HS6ST3: variants seen among roughly 807,000 people sequenced by gnomAD.
The protein encoded by HS6ST3 is heparan sulfate 6-O-sulfotransferase 3, also known as heparan-sulfate 6-O-sulfotransferase 3.
In HS6ST3, 12 loss-of-function variants were observed where a neutral mutation model predicts 36.7. The ratio of observed to expected loss-of-function variants is 0.33; its 90% CI spans 0.21 to 0.53. The LOEUF (loss-of-function observed/expected upper bound fraction) is 0.53. Among genes scored for constraint, HS6ST3 ranks in the 20% least tolerant of loss-of-function variants. The pLI is 0.95. For synonymous variants in HS6ST3, 240 were observed against 257.5 expected, an observed-to-expected ratio of 0.93 and a Z score of 0.65; for missense variants, 584 against 640.9, an observed-to-expected ratio of 0.91 and a Z score of 0.96.
At chr13:96,340,800 A>C (rs555166740) in intron 1 of HS6ST3, among the ~76,000 whole-genome samples, 1 of 152,348 alleles carries the variant, frequency 6.6e-6, no homozygotes, top group East Asian at 1.9e-4. Context: ...TTTTTGAATG[A>C]ATATCTATTT....
At chr13:96,418,613 A>G (rs773308287) in intron 1 of HS6ST3, among the ~76,000 whole-genome samples, 1 of 152,096 alleles carries the variant, frequency 6.6e-6, no homozygotes, top group East Asian at 1.9e-4. Context: ...TAGGTGCTAT[A>G]AGAGATGCAA....
rs187714299 is a variant in HS6ST3, at chr13:96,182,967, C to T, written c.707+91398C>T. Among the ~76,000 whole-genome samples the T allele has an allele frequency of 1.2e-3, 176 of 152,280 alleles. 1 individual carries two copies. The highest frequency in any genetic ancestry group is 3.9e-3 in the African/African-American group (162 of 41,560). On this transcript the variant is annotated intron_variant, in intron 1 of 1. Transcript: ENST00000376705. ...TTAAGGATTTCCATTTTGTGGAGGACAGCTATTGTCAGTAGCCTCCTCCTG... is the reference window on the plus strand; with the variant it reads ...TTAAGGATTTCCATTTTGTGGAGGATAGCTATTGTCAGTAGCCTCCTCCTG...
intron 1 of HS6ST3, among the ~76,000 whole-genome samples, chr13:96,635,232 A>G (rs2056545177): frequency 6.7e-6 from 1 of 148,628 alleles, no homozygotes; most frequent in Non-Finnish European, 1.5e-5. Flanking sequence ...TAGGATTTCA[A>G]TGCCCATCTT....
chr13:96,340,436 T>G (rs1327047293), intron 1 of HS6ST3, among the ~76,000 whole-genome samples: 2 of 152,236 alleles, frequency 1.3e-5, no homozygotes, highest in Admixed American at 1.3e-4. Flanking sequence ...TAATAATCCC[T>G]GTGACATAGG....
chr13:96,576,798 G>A (rs182971982), intron 1 of HS6ST3, among the ~76,000 whole-genome samples: 1 of 151,892 alleles, frequency 6.6e-6, no homozygotes, highest in African/African-American at 2.4e-5. Flanking sequence ...TAAAAAATTA[G>A]CCAGGCATGG....
At chr13:96,826,409 A>G (rs1878648415) in intron 1 of HS6ST3, among the ~76,000 whole-genome samples, 1 of 152,192 alleles carries the variant, frequency 6.6e-6, no homozygotes, top group Admixed American at 6.5e-5. Flanking sequence ...ATGTTCTTTT[A>G]CATAGCAATT....
intron 1 of HS6ST3, among the ~76,000 whole-genome samples, chr13:96,641,158 AT>A (rs2056568811): frequency 6.6e-6 from 1 of 151,526 alleles, no homozygotes; most frequent in Admixed American, 6.6e-5. Context: ...TGACAAATGG[AT>A]TTCCTTTTGT....
chr13:96,258,624 T>C (rs2054649276), intron 1 of HS6ST3, among the ~76,000 whole-genome samples: 1 of 152,154 alleles, frequency 6.6e-6, no homozygotes, highest in African/African-American at 2.4e-5. Flanking sequence ...CTCTTTCCTT[T>C]TACCTGCCAT....
intron 1 of HS6ST3, among the ~76,000 whole-genome samples, chr13:96,140,541 G>C (rs2054026754): frequency 6.6e-6 from 1 of 152,174 alleles, no homozygotes. Context: ...GAAGCAGAGA[G>C]ATGTCATGAC....
chr13:96,112,578 A>AATATATATATATATATATATAT (rs59107741), intron 1 of HS6ST3, among the ~76,000 whole-genome samples: 2 of 81,224 alleles, frequency 2.5e-5, no homozygotes, highest in Non-Finnish European at 2.3e-5. Context: ...AAAATAAATA[A>AATATATATATATATATATATAT]ATATATATAT....
chr13:96,553,961 G>T (rs138034440), intron 1 of HS6ST3, among the ~76,000 whole-genome samples: 1 of 152,248 alleles, frequency 6.6e-6, no homozygotes, highest in African/African-American at 2.4e-5. Context: ...ACAATAAATC[G>T]CATTAGGGAG....
chr13:96,123,087 A>G (rs1878347734), intron 1 of HS6ST3, among the ~76,000 whole-genome samples: 1 of 152,142 alleles, frequency 6.6e-6, no homozygotes, highest in East Asian at 1.9e-4. Context: ...TATATACCCC[A>G]TCTATTCTGT....
chr13:96,570,696 G>T (rs1214964672), intron 1 of HS6ST3, among the ~76,000 whole-genome samples: 1 of 152,146 alleles, frequency 6.6e-6, no homozygotes, highest in African/African-American at 2.4e-5. Flanking sequence ...TGTTGGCAGG[G>T]GTAAAAAGTA....
chr13:96,658,268 CTT>C (rs71213623), intron 1 of HS6ST3, among the ~76,000 whole-genome samples: 130 of 76,036 alleles, frequency 1.7e-3, no homozygotes, highest in East Asian at 6.2e-3. Flanking sequence ...TCTTCTTCTT[CTT>C]TTTTTTTTTT....
intron 1 of HS6ST3, among the ~76,000 whole-genome samples, chr13:96,604,998 AAAAG>A: frequency 6.6e-6 from 1 of 152,224 alleles, no homozygotes; most frequent in Non-Finnish European, 1.5e-5. Flanking sequence ...TGAGAGGTGA[AAAAG>A]AAAAGGGAAG....
At chr13:96,825,047 G>A (rs905620305) in intron 1 of HS6ST3, among the ~76,000 whole-genome samples, 9 of 152,252 alleles carry the variant, frequency 5.9e-5, no homozygotes, top group Non-Finnish European at 7.4e-5. Flanking sequence ...TCCCTTCCAC[G>A]GAGGACGTGA....
chr13:96,312,907 G>A (rs1310124772), intron 1 of HS6ST3, among the ~76,000 whole-genome samples: 1 of 130,708 alleles, frequency 7.7e-6, no homozygotes, highest in African/African-American at 3.0e-5. Context: ...AGCTGAGATC[G>A]CACCACTGCA....
At chr13:96,628,380 A>C (rs989177953) in intron 1 of HS6ST3, among the ~76,000 whole-genome samples, 1 of 151,880 alleles carries the variant, frequency 6.6e-6, no homozygotes, top group African/African-American at 2.4e-5. Flanking sequence ...GGCCTACGTG[A>C]TACCAATCTT....
chr13:96,229,017 G>C (rs2054494585), intron 1 of HS6ST3, among the ~76,000 whole-genome samples: 1 of 152,088 alleles, frequency 6.6e-6, no homozygotes, highest in Admixed American at 6.6e-5. Flanking sequence ...GGCAGAAGAT[G>C]CTTTTTAAAT....
Sources: gnomAD v4.1 joint callset for allele counts (sites outside exome capture counted in the v4.1 genomes callset) on GRCh38, gnomAD v4.1.1 for gene constraint, MANE v1.5 for transcripts, NCBI Gene and HGNC (gene_info 2026-07-23, HGNC 2026-07-21) for gene names.